The following FMO2 variants were observed in gnomAD, a reference collection of about 807,000 sequenced individuals.
The protein encoded by FMO2 is flavin-containing monooxygenase 2.
A neutral mutation model predicts 41.6 loss-of-function variants in FMO2; 33 were observed. That is an observed-to-expected ratio of 0.79 (90% CI 0.60 to 1.06). The LOEUF (loss-of-function observed/expected upper bound fraction) is 1.06. Among genes scored for constraint, FMO2 ranks in the 50% least tolerant of loss-of-function variants. The probability of loss-of-function intolerance (pLI) is 0.00; values close to 1 mark genes in which losing one functional copy is unlikely to be tolerated. For missense variants in FMO2, 619 were observed against 632.9 expected (o/e 0.98, Z 0.23); for synonymous variants, 214 against 219.6 (o/e 0.97, Z 0.23).
intron 5 of FMO2, among the ~76,000 whole-genome samples, chr1:171,201,931 C>T (rs1272694862): frequency 1.3e-5 from 2 of 152,176 alleles, no homozygotes; most frequent in East Asian, 3.9e-4. Flanking sequence ...TTATCTCCAC[C>T]TGGTCCTGCC....
intron 2 of FMO2, among the ~76,000 whole-genome samples, chr1:171,191,897 G>C (rs1008188104): frequency 2.1e-5 from 3 of 143,230 alleles, no homozygotes; most frequent in African/African-American, 7.8e-5. Context: ...AAATTAGCCG[G>C]TGTAGTGGCA....
chr1:171,191,835 G>T (rs186731969), intron 2 of FMO2, among the ~76,000 whole-genome samples: 176 of 141,824 alleles, frequency 1.2e-3, no homozygotes, highest in Admixed American at 4.4e-3. Context: ...ACCTGCCTGG[G>T]CAACATGGTA....
intron 3 of FMO2, among the ~76,000 whole-genome samples, chr1:171,196,330 A>G (rs751396909): frequency 6.6e-6 from 1 of 152,200 alleles, no homozygotes; most frequent in Non-Finnish European, 1.5e-5. Context: ...GTGTAAGATT[A>G]TGATGGTCTT....
chr1:171,211,289 T>C lies in FMO2; in HGVS notation c.*2144T>C, dbSNP rs1169058421. On this transcript the variant is annotated 3_prime_UTR_variant, in exon 9 of 9. Coordinates refer to ENST00000209929, the MANE Select transcript of FMO2 (RefSeq NM_001460.5). ...TGCTTTCAAGCTACAATTGTAGAGTTGGGTAGTCGCAACAGAATCTCTGTG... is the reference window on the plus strand; with the variant it reads ...TGCTTTCAAGCTACAATTGTAGAGTCGGGTAGTCGCAACAGAATCTCTGTG... 6.6e-6 allele frequency: 1 copy of C among 152,212 alleles called. No individual in the cohort carries two copies. The highest frequency in any genetic ancestry group is 1.9e-4 in the East Asian group (1 of 5,196). The allele number at this position is 152,212 out of a possible 1,614,324, so 9.4% of individuals were successfully genotyped here. A position where few individuals can be genotyped will look rare whatever the true frequency, so the allele number is the denominator to read the frequency against.
Position 171,208,849 on chromosome 1 carries a change from G to T in FMO2, c.1312G>T (p.Glu438Ter). 1 of 1,613,946 alleles carries T rather than the reference G, an allele frequency of 6.2e-7. No homozygotes were observed. The highest frequency in any genetic ancestry group is 8.5e-7 in the Non-Finnish European group (1 of 1,179,868). The change falls in exon 9 of 9, where the codon GAG becomes TAG. Residue 438 changes from glutamate (E) to a stop codon, truncating the protein, a stop_gained. Coordinates refer to ENST00000209929, the MANE Select transcript of FMO2 (RefSeq NM_001460.5). LOFTEE classifies it low-confidence loss of function (END_TRUNC). ...LQTNYVDYLD[E>*]LALEIGAKPD... Reference sequence around the variant, plus strand: ...GACCAATTATGTTGACTACTTGGACGAGCTCGCCTTAGAGATAGGTGCGAA... The same window carrying T: ...GACCAATTATGTTGACTACTTGGACTAGCTCGCCTTAGAGATAGGTGCGAA...
chr1:171,194,988 CAGA>C (rs1173330262), intron 3 of FMO2, among the ~76,000 whole-genome samples: 12 of 152,046 alleles, frequency 7.9e-5, no homozygotes, highest in Non-Finnish European at 1.6e-4. Context: ...TTATGTATAC[CAGA>C]AGGTTTTGTA....
At chr1:171,188,907 T>C (rs764940706) in intron 2 of FMO2, 8 of 152,318 alleles carry the variant, frequency 5.3e-5, no homozygotes, top group Non-Finnish European at 8.8e-5. Flanking sequence ...TTTCGTTCTG[T>C]TTCCAGCAAC....
Position 171,212,451 on chromosome 1 carries a change from T to A in FMO2, c.*3306T>A, listed in dbSNP as rs966924111. ...TCTGTTACAGAAACACAAAATGGAC[T>A]AAGACACCACCCTTTTCCAAAATCT... On this transcript the variant is annotated 3_prime_UTR_variant, in exon 9 of 9. Transcript: ENST00000209929. 3.3e-5 allele frequency among the ~76,000 whole-genome samples: 5 copies of A among 152,190 alleles called. No individual in the cohort carries two copies. The highest frequency in any genetic ancestry group is 6.5e-5 in the Admixed American group (1 of 15,274).
At chr1:171,189,204 C>A (rs1657974631) in intron 2 of FMO2, among the ~76,000 whole-genome samples, 1 of 135,138 alleles carries the variant, frequency 7.4e-6, no homozygotes, top group South Asian at 2.7e-4. Flanking sequence ...GTGGGAGTTA[C>A]CATGTACATT....
chr1:171,199,713 T>C (rs1279002080), intron 5 of FMO2, among the ~76,000 whole-genome samples: 1 of 152,186 alleles, frequency 6.6e-6, no homozygotes, highest in Non-Finnish European at 1.5e-5. Flanking sequence ...CTCTGGGAGA[T>C]GGCTCCCTCA....
chr1:171,198,813 T>TA (rs1476412258), intron 4 of FMO2, among the ~76,000 whole-genome samples: 1 of 152,146 alleles, frequency 6.6e-6, no homozygotes, highest in Non-Finnish European at 1.5e-5. Context: ...CATCACCATT[T>TA]ATTTGTCTCT....
At chr1:171,205,742 C>T in intron 7 of FMO2, 108 bp downstream of exon 7, 1 of 666,078 alleles carries the variant, frequency 1.5e-6, no homozygotes, top group East Asian at 2.7e-5. Flanking sequence ...AAAAGTTTGA[C>T]AACCTTGGCT....
In FMO2 at chr1:171,211,323, G is replaced by A. The variant is rs1028142471; in HGVS notation, c.*2178G>A. On this transcript the variant is annotated 3_prime_UTR_variant, in exon 9 of 9. Transcript: ENST00000209929. ...GCAACAGAATCTCTGTGGCCCACAA[G>A]GCTAAAATATTTACATTCTCACCCA... 4 of 152,120 alleles carry A rather than the reference G, an allele frequency of 2.6e-5. No homozygotes were observed. Among genetic ancestry groups the A allele is most frequent in the Non-Finnish European group, 5.9e-5 (4 of 68,012 alleles). 9.4% of individuals were successfully genotyped at this position (152,120 alleles called of 1,614,324 possible). A position where few individuals can be genotyped will look rare whatever the true frequency, so the allele number is the denominator to read the frequency against.
intron 5 of FMO2, among the ~76,000 whole-genome samples, chr1:171,201,228 G>A (rs535230512): frequency 1.3e-5 from 2 of 152,074 alleles, no homozygotes; most frequent in East Asian, 3.9e-4. Context: ...TCACTTTGAG[G>A]TCAATCATCT....
intron 7 of FMO2, among the ~76,000 whole-genome samples, chr1:171,206,803 A>C (rs901243742): frequency 1.3e-5 from 2 of 152,224 alleles, no homozygotes; most frequent in Admixed American, 1.3e-4. Context: ...AGAGAAAGCT[A>C]CTGAAATAGC....
intron 4 of FMO2, among the ~76,000 whole-genome samples, chr1:171,198,761 T>C (rs1440317474): frequency 6.6e-6 from 1 of 152,010 alleles, no homozygotes; most frequent in South Asian, 2.1e-4. Context: ...CAAAATAGTA[T>C]ATAATAGGCA....
chr1:171,205,245 A>T, intron 6 of FMO2, 34 bp from the exon 7 acceptor site: 1 of 1,360,668 alleles, frequency 7.3e-7, no homozygotes, highest in Non-Finnish European at 1.0e-6. Context: ...TCAGCAAATG[A>T]TCCTTCAGAA....
intron 3 of FMO2, among the ~76,000 whole-genome samples, chr1:171,195,373 G>A (rs943245173): frequency 2.6e-5 from 4 of 152,174 alleles, no homozygotes; most frequent in African/African-American, 9.7e-5. Context: ...TAGGTATGGG[G>A]TAAGTTCTGA....
At chr1:171,192,304 C>T (rs912380431) in intron 2 of FMO2, among the ~76,000 whole-genome samples, 7 of 152,074 alleles carry the variant, frequency 4.6e-5, no homozygotes, top group African/African-American at 1.7e-4. Flanking sequence ...ACAGAAACCC[C>T]CTTGTATTCT....
Sources: allele counts gnomAD v4.1 joint callset (sites outside exome capture counted in the v4.1 genomes callset), GRCh38; gene constraint gnomAD v4.1.1; transcripts MANE v1.5; gene names NCBI Gene and HGNC (gene_info 2026-07-23, HGNC 2026-07-21).